PRKN: variants seen among roughly 807,000 people sequenced by gnomAD.
PRKN encodes the protein parkin RBR E3 ubiquitin protein ligase.
Under a neutral mutation model 59.5 loss-of-function variants are expected in PRKN, and 56 were observed. That is an observed-to-expected ratio of 0.94 (90% confidence interval 0.76 to 1.18). The LOEUF (loss-of-function observed/expected upper bound fraction) is 1.18, where lower values mean the gene tolerates loss of function less well. Ranked by LOEUF, PRKN falls within the 50% of genes most tolerant of loss-of-function variation. The pLI, the probability that PRKN is intolerant of heterozygous loss-of-function variation, is 0.00. For synonymous variants in PRKN, 250 were observed against 222.1 expected, an observed-to-expected ratio of 1.13 and a Z score of -1.12; for missense variants, 657 against 596.4, an observed-to-expected ratio of 1.10 and a Z score of -1.06.
chr6:161,614,834 G>A (rs1310588547), intron 7 of PRKN, among the ~76,000 whole-genome samples: 1 of 152,172 alleles, frequency 6.6e-6, no homozygotes, highest in Non-Finnish European at 1.5e-5. Context: ...ATCTTGAAAT[G>A]TCAGGCTGCA....
intron 4 of PRKN, among the ~76,000 whole-genome samples, chr6:162,161,986 C>G (rs1261735345): frequency 6.6e-6 from 1 of 152,124 alleles, no homozygotes; most frequent in Non-Finnish European, 1.5e-5. Context: ...TCTGTATCCA[C>G]AGATTCAACC....
At chr6:162,680,340 A>ATG in intron 1 of PRKN, among the ~76,000 whole-genome samples, 1 of 151,092 alleles carries the variant, frequency 6.6e-6, no homozygotes, top group Non-Finnish European at 1.5e-5. Flanking sequence ...TATGTACTGT[A>ATG]TGTGTGTGTA....
At chr6:162,661,484 G>A (rs998302658) in intron 1 of PRKN, among the ~76,000 whole-genome samples, 4 of 152,078 alleles carry the variant, frequency 2.6e-5, no homozygotes, top group African/African-American at 4.8e-5. Flanking sequence ...CAGTTCCCAC[G>A]GACAATGAGG....
intron 1 of PRKN, among the ~76,000 whole-genome samples, chr6:162,653,448 C>A (rs1482593813): frequency 6.6e-6 from 1 of 152,028 alleles, no homozygotes; most frequent in Non-Finnish European, 1.5e-5. Context: ...TAGGATGTTG[C>A]AAATAATCTT....
intron 1 of PRKN, among the ~76,000 whole-genome samples, chr6:162,712,270 A>G (rs946165428): frequency 6.6e-6 from 1 of 152,168 alleles, no homozygotes; most frequent in African/African-American, 2.4e-5. Context: ...GCCATTTCTC[A>G]AGACTGCATT....
At chr6:162,076,291 A>G (rs1046541536) in intron 4 of PRKN, among the ~76,000 whole-genome samples, 78 of 152,058 alleles carry the variant, frequency 5.1e-4, no homozygotes, top group African/African-American at 1.9e-3. Flanking sequence ...TCTTAATCCA[A>G]AAAAAACCAA....
At chr6:161,752,124 C>A (rs1052519898) in intron 7 of PRKN, among the ~76,000 whole-genome samples, 1 of 152,178 alleles carries the variant, frequency 6.6e-6, no homozygotes, top group Non-Finnish European at 1.5e-5. Context: ...TTTGAAAAAC[C>A]CTCTCAGGAG....
In PRKN at chr6:161,548,298, CTCTTA is replaced by C. The variant is rs1779866218; in HGVS notation, c.1083+551_1083+555del. Among the ~76,000 whole-genome samples the C allele has an allele frequency of 6.6e-6, 1 of 152,174 alleles. No individual in the cohort carries two copies. Among genetic ancestry groups the C allele is most frequent in the African/African-American group, 2.4e-5 (1 of 41,440 alleles). On this transcript the variant is annotated intron_variant, in intron 9 of 11. Transcript: ENST00000366898. The surrounding 1 kb of genome is among the most constrained non-coding windows in gnomAD (Gnocchi z 4.2). ...AGCCGGCCAGGTCACATGGTTTGAC[CTCTTA>C]GAACAAACATTTTCCACATTTCTTA...
chr6:161,500,357 G>A (rs1777917082), intron 9 of PRKN, among the ~76,000 whole-genome samples: 1 of 152,102 alleles, frequency 6.6e-6, no homozygotes, highest in Non-Finnish European at 1.5e-5. Context: ...TCCTGGTGCT[G>A]TACTTCCTAT....
chr6:161,646,101 A>C (rs1783930268), intron 7 of PRKN, among the ~76,000 whole-genome samples: 1 of 88,892 alleles, frequency 1.1e-5, no homozygotes, highest in African/African-American at 4.1e-5. Flanking sequence ...GTGGCGGAGG[A>C]GGCGGCGTAT....
intron 7 of PRKN, among the ~76,000 whole-genome samples, chr6:161,758,368 A>G (rs989246111): frequency 3.3e-4 from 50 of 152,230 alleles, no homozygotes; most frequent in African/African-American, 1.1e-3. Flanking sequence ...GTGGTTGTAT[A>G]CATAAAATAT....
intron 4 of PRKN, among the ~76,000 whole-genome samples, chr6:162,191,224 T>A (rs897170315): frequency 2.0e-5 from 3 of 152,168 alleles, no homozygotes; most frequent in African/African-American, 7.2e-5. Flanking sequence ...CTCATAGGAA[T>A]CCGATTTTTT....
intron 3 of PRKN, among the ~76,000 whole-genome samples, chr6:162,240,159 G>A (rs909777715): frequency 3.9e-5 from 6 of 152,218 alleles, no homozygotes; most frequent in Middle Eastern, 3.2e-3. Context: ...TTGTTTCAAG[G>A]AGTCGGGGGA....
intron 4 of PRKN, among the ~76,000 whole-genome samples, chr6:162,198,260 G>A (rs1304947602): frequency 6.6e-6 from 1 of 151,994 alleles, no homozygotes; most frequent in African/African-American, 2.4e-5. Context: ...AGGTGGAGCC[G>A]AGACTACAAA....
At chr6:162,394,201 G>A (rs1787359206) in intron 2 of PRKN, among the ~76,000 whole-genome samples, 1 of 152,130 alleles carries the variant, frequency 6.6e-6, no homozygotes. Flanking sequence ...TTCATTTTAG[G>A]ACTATAAACA....
At position 161,626,795 on chromosome 6, in the gene PRKN, G is replaced by A. The variant is rs114787526; in HGVS notation, c.872-57379C>T. On this transcript the variant is annotated intron_variant, in intron 7 of 11. Transcript: ENST00000366898. Reference sequence around the variant, plus strand: ...TCAGCAGCCACGGCTGGCTGGTGCCGCAGGCATTTATTCAGCACAAATTTA... The same window carrying A: ...TCAGCAGCCACGGCTGGCTGGTGCCACAGGCATTTATTCAGCACAAATTTA... Among the ~76,000 whole-genome samples, 823 of 152,324 alleles carry A rather than the reference G, an allele frequency of 5.4e-3. 2 individuals carry two copies. The highest frequency in any genetic ancestry group is 0.019 in the African/African-American group (770 of 41,576).
chr6:162,235,361 C>T (rs1778607273), intron 3 of PRKN, among the ~76,000 whole-genome samples: 1 of 152,162 alleles, frequency 6.6e-6, no homozygotes, highest in Non-Finnish European at 1.5e-5. Context: ...GCAGCACTAT[C>T]ATAAATGAGT....
At chr6:161,604,152 A>G (rs1049918460) in intron 7 of PRKN, among the ~76,000 whole-genome samples, 3 of 152,246 alleles carry the variant, frequency 2.0e-5, no homozygotes, top group Non-Finnish European at 2.9e-5. Context: ...GAGACTTTTA[A>G]GCCCACATGA....
chr6:162,041,933 C>T (rs550112416), intron 5 of PRKN, among the ~76,000 whole-genome samples: 19 of 152,092 alleles, frequency 1.2e-4, no homozygotes, highest in African/African-American at 4.3e-4. Flanking sequence ...TAGAACAGTT[C>T]TATTGATCCT....
Sources: allele counts gnomAD v4.1 joint callset (sites outside exome capture counted in the v4.1 genomes callset), GRCh38; gene constraint gnomAD v4.1.1; non-coding constraint Gnocchi (gnomAD v3.1); transcripts MANE v1.5; gene names NCBI Gene and HGNC (gene_info 2026-07-23, HGNC 2026-07-21).